NR6A1: variants seen among roughly 807,000 people sequenced by gnomAD.
NR6A1 encodes nuclear receptor subfamily 6 group A member 1.
A neutral mutation model predicts 59.1 loss-of-function variants in NR6A1; 7 were observed. The ratio of observed to expected loss-of-function variants is 0.12; its 90% CI spans 0.07 to 0.22. The LOEUF (loss-of-function observed/expected upper bound fraction) is 0.22, where lower values mean the gene tolerates loss of function less well. Among genes scored for constraint, NR6A1 ranks in the 10% least tolerant of loss-of-function variants. The pLI is 1.00. For synonymous variants in NR6A1, 243 were observed against 236.1 expected, an observed-to-expected ratio of 1.03 and a Z score of -0.27; for missense variants, 468 against 611.6, an observed-to-expected ratio of 0.77 and a Z score of 2.48.
At position 124,522,721 on chromosome 9, in the gene NR6A1, C is replaced by T. The variant is rs61733760; in HGVS notation, c.1427G>A (p.Ser476Asn). Reference sequence around the variant, plus strand: ...TGGAACAGGTCATTCCTTGCCCACACTGGTCTTGCAGGAATGCAGCACCAC... The same window carrying T: ...TGGAACAGGTCATTCCTTGCCCACATTGGTCTTGCAGGAATGCAGCACCAC... ...FKVVLHSCKT[S>N]VGKE The change falls in exon 10 of 10, where the codon AGT (serine) becomes AAT (asparagine). Residue 476 changes from serine (S) to asparagine (N), a missense_variant. Physicochemically the swap from Ser to Asn is conservative, Grantham distance 46. Transcript: ENST00000487099. 8.1e-4 allele frequency: 1,279 copies of T among 1,584,120 alleles called. 4 individuals are homozygous for T. The African/African-American group carries it at 0.015, about 19-fold the overall frequency.
intron 2 of NR6A1, among the ~76,000 whole-genome samples, chr9:124,584,253 G>A (rs1424261415): frequency 2.6e-5 from 4 of 151,772 alleles, no homozygotes; most frequent in Non-Finnish European, 5.9e-5. Flanking sequence ...GATTACAGGC[G>A]TATGCCACCA....
intron 2 of NR6A1, among the ~76,000 whole-genome samples, chr9:124,681,628 C>G (rs1386402343): frequency 6.6e-6 from 1 of 152,102 alleles, no homozygotes; most frequent in East Asian, 1.9e-4. Context: ...GCGTGAGCCA[C>G]CACACTCAGC....
chr9:124,726,998 C>G (rs546850670), intron 2 of NR6A1, among the ~76,000 whole-genome samples: 1 of 152,200 alleles, frequency 6.6e-6, no homozygotes, highest in Non-Finnish European at 1.5e-5. Context: ...CAGTTTAACA[C>G]TAAGCTCTTT....
intron 2 of NR6A1, among the ~76,000 whole-genome samples, chr9:124,583,044 A>G (rs1338202361): frequency 6.6e-6 from 1 of 152,164 alleles, no homozygotes; most frequent in African/African-American, 2.4e-5. Context: ...CAAATTATCT[A>G]TCCAAAAACA....
At chr9:124,617,817 G>A (rs555301944) in intron 2 of NR6A1, among the ~76,000 whole-genome samples, 2 of 152,130 alleles carry the variant, frequency 1.3e-5, no homozygotes, top group South Asian at 2.1e-4. Flanking sequence ...GCAGACCCTC[G>A]TACCTGCAAG....
At chr9:124,736,505 G>A (rs1294250891) in intron 1 of NR6A1, among the ~76,000 whole-genome samples, 1 of 152,140 alleles carries the variant, frequency 6.6e-6, no homozygotes, top group Non-Finnish European at 1.5e-5. Flanking sequence ...TAACTTTGTT[G>A]TAAATTGGGA....
chr9:124,613,095 GGAGGCTGAA>G (rs1167043517), intron 2 of NR6A1, among the ~76,000 whole-genome samples: 1 of 152,164 alleles, frequency 6.6e-6, no homozygotes, highest in Non-Finnish European at 1.5e-5. Context: ...CCAGCCTTTG[GGAGGCTGAA>G]GAGGAAGGAT....
At chr9:124,561,415 G>A (rs1339796070) in intron 2 of NR6A1, among the ~76,000 whole-genome samples, 3 of 152,110 alleles carry the variant, frequency 2.0e-5, no homozygotes, top group Non-Finnish European at 2.9e-5. Context: ...TCCAGCCTAC[G>A]GGGCGGCGGA....
At chr9:124,530,348 G>A (rs867650484) in intron 7 of NR6A1, among the ~76,000 whole-genome samples, 4 of 152,036 alleles carry the variant, frequency 2.6e-5, no homozygotes, top group Admixed American at 6.6e-5. Flanking sequence ...TCCACACCCC[G>A]CATCCCACCC....
chr9:124,732,888 G>A (rs1309663465), intron 2 of NR6A1, among the ~76,000 whole-genome samples: 1 of 152,030 alleles, frequency 6.6e-6, no homozygotes, highest in African/African-American at 2.4e-5. Context: ...GTAGAGACAG[G>A]GTTTCACTAT....
At chr9:124,554,298 T>A in intron 3 of NR6A1, 30 bp downstream of exon 3, 1 of 1,613,844 alleles carries the variant, frequency 6.2e-7, no homozygotes, top group Non-Finnish European at 8.5e-7. Context: ...GAATGAAGGA[T>A]GGGCCATCAG....
chr9:124,698,480 T>A (rs1445356097), intron 2 of NR6A1: 2 of 152,124 alleles, frequency 1.3e-5, no homozygotes, highest in Non-Finnish European at 2.9e-5. Flanking sequence ...AGATAAGTCA[T>A]CCTCAGAGAA....
At chr9:124,529,503 CA>C (rs1366334300) in intron 7 of NR6A1, among the ~76,000 whole-genome samples, 2 of 152,128 alleles carry the variant, frequency 1.3e-5, no homozygotes, top group Admixed American at 1.3e-4. Context: ...ATGGCTACCC[CA>C]AGGTTGCACG....
intron 2 of NR6A1, among the ~76,000 whole-genome samples, chr9:124,675,590 T>G (rs1458035952): frequency 6.6e-6 from 1 of 152,214 alleles, no homozygotes; most frequent in African/African-American, 2.4e-5. Context: ...CAACCCAGAT[T>G]TATTCCCAAT....
chr9:124,696,764 C>T (rs1035071401), intron 2 of NR6A1, among the ~76,000 whole-genome samples: 1 of 152,016 alleles, frequency 6.6e-6, no homozygotes. Flanking sequence ...TCAAGTGATC[C>T]GCCCACCTCA....
Position 124,535,534 on chromosome 9 carries a change from C to T in NR6A1, c.1079+344G>A, listed in dbSNP as rs1295772223. Among the ~76,000 whole-genome samples the T allele has an allele frequency of 5.9e-5, 9 of 152,258 alleles. No homozygotes were observed. In the East Asian group the frequency reaches 9.6e-4, roughly 16 times the overall value. ...CAAGAGTTGCAGTGAGCCAAGACTG[C>T]GCCACTACATTCCAGCCTGGGCGAC... is the stretch of plus-strand genomic sequence containing the variant. On this transcript the variant is annotated intron_variant, in intron 7 of 9. Coordinates refer to ENST00000487099, the MANE Select transcript of NR6A1 (RefSeq NM_033334.4).
chr9:124,769,139 C>T (rs902474184), intron 1 of NR6A1, among the ~76,000 whole-genome samples: 1 of 152,104 alleles, frequency 6.6e-6, no homozygotes, highest in African/African-American at 2.4e-5. Flanking sequence ...CCAGCTTCCC[C>T]CTTTGTGACA....
At position 124,581,360 on chromosome 9, in the gene NR6A1, C is replaced by T. The variant is rs559011932; in HGVS notation, c.143-26790G>A. 3.3e-5 allele frequency among the ~76,000 whole-genome samples: 5 copies of T among 152,160 alleles called. 1 individual carries two copies. In the South Asian group the frequency reaches 8.3e-4, roughly 25 times the overall value. ...TTGTAATCCCAGCACTTTGGTAGGCCGAGGCAGGCGGATCACGAGGTCAAG... is the reference window on the plus strand; with the variant it reads ...TTGTAATCCCAGCACTTTGGTAGGCTGAGGCAGGCGGATCACGAGGTCAAG... On this transcript the variant is annotated intron_variant, in intron 2 of 9. Coordinates refer to ENST00000487099, the MANE Select transcript of NR6A1 (RefSeq NM_033334.4).
chr9:124,674,011 G>A (rs1176010827), intron 2 of NR6A1, among the ~76,000 whole-genome samples: 1 of 152,108 alleles, frequency 6.6e-6, no homozygotes. Flanking sequence ...TTAGCTATGT[G>A]ACCCTCAGCA....
Sources: gnomAD v4.1 joint callset for allele counts (sites outside exome capture counted in the v4.1 genomes callset) on GRCh38, gnomAD v4.1.1 for gene constraint, MANE v1.5 for transcripts, NCBI Gene and HGNC (gene_info 2026-07-23, HGNC 2026-07-21) for gene names.